Variants in ADAP2 observed in about 807,000 individuals in gnomAD.
ADAP2 encodes the protein ArfGAP with dual PH domains 2, also known as arf-GAP with dual PH domain-containing protein 2.
Under a neutral mutation model 54.9 loss-of-function variants are expected in ADAP2, and 42 were observed. The ratio of observed to expected loss-of-function variants is 0.77; its 90% CI spans 0.60 to 0.99. The LOEUF is 0.99. Among genes scored for constraint, ADAP2 ranks in the 50% least tolerant of loss-of-function variants. ADAP2 has a pLI of 0.00. For synonymous variants in ADAP2, 177 were observed against 180.1 expected (o/e 0.98, Z 0.14); for missense variants, 429 against 480.4 (o/e 0.89, Z 1.00).
At chr17:30,948,989 G>A (rs561106544) in intron 6 of ADAP2, among the ~76,000 whole-genome samples, 5 of 152,186 alleles carry the variant, frequency 3.3e-5, no homozygotes, top group Non-Finnish European at 2.9e-5. Context: ...GATTTTGCAC[G>A]CATTAGAAGG....
chr17:30,931,017 G>A (rs999111672), intron 3 of ADAP2, among the ~76,000 whole-genome samples: 1 of 152,146 alleles, frequency 6.6e-6, no homozygotes, highest in Non-Finnish European at 1.5e-5. Flanking sequence ...GTCACACAGT[G>A]GATAAATGAT....
intron 2 of ADAP2, among the ~76,000 whole-genome samples, chr17:30,925,544 TCTTC>T (rs1049913646): frequency 1.3e-5 from 2 of 148,572 alleles, no homozygotes; most frequent in African/African-American, 4.9e-5. Flanking sequence ...TCTTCTTCCT[TCTTC>T]CTTCTTCTTC....
chr17:30,957,683 G>A (rs568207410), intron 10 of ADAP2, 152 bp from the exon 11 acceptor site: 61 of 666,826 alleles, frequency 9.1e-5, no homozygotes, highest in Admixed American at 6.0e-4. Context: ...CACCTGCCTC[G>A]GCCTCCCAAA....
At chr17:30,945,115 G>T in intron 6 of ADAP2, 62 bp downstream of exon 6, 1 of 1,573,148 alleles carries the variant, frequency 6.4e-7, no homozygotes, top group South Asian at 1.2e-5. Context: ...GGCAGGTGCA[G>T]CTCACCACCT....
intron 5 of ADAP2, among the ~76,000 whole-genome samples, chr17:30,937,844 GA>G (rs1912000875): frequency 6.6e-6 from 1 of 152,186 alleles, no homozygotes; most frequent in African/African-American, 2.4e-5. Flanking sequence ...CCCCTAAGGG[GA>G]TGCTCAAAAG....
intron 1 of ADAP2, 24 bp from the exon 2 acceptor site, chr17:30,922,916 C>G: frequency 6.2e-7 from 1 of 1,609,516 alleles, no homozygotes; most frequent in Non-Finnish European, 8.5e-7. Context: ...CCGCTCAGCT[C>G]CTCTCCTGCC....
chr17:30,931,607 G>T (rs1490332823), intron 3 of ADAP2, among the ~76,000 whole-genome samples: 2 of 152,030 alleles, frequency 1.3e-5, no homozygotes, highest in Non-Finnish European at 2.9e-5. Flanking sequence ...GATCGCTTGA[G>T]CCCTGGAGTT....
chr17:30,949,392 A>G (rs1029455261), intron 7 of ADAP2, 22 bp downstream of exon 7: 25 of 1,602,212 alleles, frequency 1.6e-5, no homozygotes, highest in African/African-American at 2.7e-5. Context: ...GCGGACCCCA[A>G]TTTCTGAATC....
rs79212627 is a variant in ADAP2, at chr17:30,945,194, A to G, written c.657+141A>G. 3.9e-5 allele frequency: 39 copies of G among 987,636 alleles called. No homozygotes were observed. In the East Asian group the frequency reaches 1.0e-3, roughly 26 times the overall value. The allele number at this position is 987,636 out of a possible 1,614,324, so 61.2% of individuals were successfully genotyped here. On this transcript the variant is annotated intron_variant, in intron 6 of 10. Transcript: ENST00000330889. ...CTGCTACCATTTGCCTTAATCTATC[A>G]TTGCCTCCCAGTCTGAGATAAAGAT...
In ADAP2 at chr17:30,956,242, A is replaced by G; in HGVS notation, c.884A>G (p.Asp295Gly). 6.2e-7 allele frequency: 1 copy of G among 1,614,072 alleles called. No individual in the cohort carries two copies. Among genetic ancestry groups the G allele is most frequent in the Non-Finnish European group, 8.5e-7 (1 of 1,179,988 alleles). The change falls in exon 10 of 11, where the codon GAT becomes GGT. Residue 295 changes from aspartate to glycine, a missense_variant and splice_region_variant. Coordinates refer to ENST00000330889, the MANE Select transcript of ADAP2 (RefSeq NM_018404.3). ...RRLLYYKNPL[D>G]AFEQGQVFLG... The stretch of plus-strand genomic sequence containing the variant: ...TGACCCTGTACTCTCCATTTTCAGG[A>G]TGCCTTCGAGCAGGGCCAGGTTTTT...
At chr17:30,941,458 C>G (rs900975571) in intron 5 of ADAP2, among the ~76,000 whole-genome samples, 1 of 152,188 alleles carries the variant, frequency 6.6e-6, no homozygotes, top group African/African-American at 2.4e-5. Flanking sequence ...TCCATCCAAG[C>G]TTCACCATAA....
intron 5 of ADAP2, among the ~76,000 whole-genome samples, chr17:30,939,865 C>G (rs1247263010): frequency 6.6e-6 from 1 of 151,766 alleles, no homozygotes; most frequent in Non-Finnish European, 1.5e-5. Flanking sequence ...GGTCAAGACA[C>G]TTTTATAAGT....
intron 5 of ADAP2, among the ~76,000 whole-genome samples, chr17:30,937,053 G>A (rs1487849031): frequency 2.0e-5 from 3 of 151,060 alleles, no homozygotes; most frequent in Non-Finnish European, 2.9e-5. Flanking sequence ...TCAGTCTCTC[G>A]AGTAGCTGGG....
At chr17:30,945,192 T>C in intron 6 of ADAP2, 139 bp downstream of exon 6, 1 of 1,010,728 alleles carries the variant, frequency 9.9e-7, no homozygotes, top group Non-Finnish European at 1.4e-6. Flanking sequence ...CCTTAATCTA[T>C]CATTGCCTCC....
intron 5 of ADAP2, among the ~76,000 whole-genome samples, chr17:30,944,686 CTGACCATAGG>C (rs970836092): frequency 6.6e-6 from 1 of 152,116 alleles, no homozygotes; most frequent in Non-Finnish European, 1.5e-5. Flanking sequence ...TTTCAAACTC[CTGACCATAGG>C]TGATCCACCC....
rs529277742 is a variant in ADAP2, at chr17:30,944,616, C to T, written c.511-291C>T. ...TTGGGATTACAGGTGTCTACCACCA[C>T]GCCCAGCTAATTTTTGTATTTTTAG... On this transcript the variant is annotated intron_variant, in intron 5 of 10. Coordinates refer to ENST00000330889, the MANE Select transcript of ADAP2 (RefSeq NM_018404.3). Among the ~76,000 whole-genome samples, 127 of 152,296 alleles carry T rather than the reference C, an allele frequency of 8.3e-4. 1 individual carries two copies. Among genetic ancestry groups the T allele is most frequent in the South Asian group, 1.9e-3 (9 of 4,828 alleles).
chr17:30,941,969 G>A (rs1038885283), intron 5 of ADAP2, among the ~76,000 whole-genome samples: 6 of 151,692 alleles, frequency 4.0e-5, no homozygotes, highest in East Asian at 1.9e-4. Flanking sequence ...GCAGTGGTGC[G>A]ATCTTGGCTC....
In ADAP2 at chr17:30,958,111, C is replaced by T. The variant is rs1905202592; in HGVS notation, c.*242C>T. On this transcript the variant is annotated 3_prime_UTR_variant, in exon 11 of 11. Transcript: ENST00000330889. ...AACATCTATCCCCTCCTCCCCCATACACACCTAGGCTTGAAATGCCCTACA... is the reference window on the plus strand; with the variant it reads ...AACATCTATCCCCTCCTCCCCCATATACACCTAGGCTTGAAATGCCCTACA... 3 of 544,240 alleles carry T rather than the reference C, an allele frequency of 5.5e-6. No individual in the cohort carries two copies. Among genetic ancestry groups the T allele is most frequent in the Non-Finnish European group, 6.6e-6 (2 of 302,168 alleles). 33.7% of individuals were successfully genotyped at this position (544,240 alleles called of 1,614,324 possible).
Position 30,957,998 on chromosome 17 carries a change from C to T in ADAP2, c.*129C>T. 3 of 895,392 alleles carry T rather than the reference C, an allele frequency of 3.4e-6. No homozygotes were observed. The highest frequency in any genetic ancestry group is 1.4e-5 in the South Asian group (1 of 69,200). The allele number at this position is 895,392 out of a possible 1,614,324, so 55.5% of individuals were successfully genotyped here. The stretch of plus-strand genomic sequence containing the variant: ...CAGCCATTCCTGGCAGTGAACTCTG[C>T]CAGGACTGAAGCTGTGGCTTTATCC... On this transcript the variant is annotated 3_prime_UTR_variant, in exon 11 of 11. Coordinates refer to ENST00000330889, the MANE Select transcript of ADAP2 (RefSeq NM_018404.3).
Sources: gnomAD v4.1 joint callset for allele counts (sites outside exome capture counted in the v4.1 genomes callset) on GRCh38, gnomAD v4.1.1 for gene constraint, MANE v1.5 for transcripts, NCBI Gene and HGNC (gene_info 2026-07-23, HGNC 2026-07-21) for gene names.